The following TFB2M variants were observed in gnomAD, a reference collection of about 807,000 sequenced individuals.
The protein encoded by TFB2M is dimethyladenosine transferase 2, mitochondrial.
TFB2M carries 44 observed loss-of-function variants against 41.3 expected under a neutral mutation model. The observed-to-expected ratio is 1.07, with a 90% CI of 0.84 to 1.37. TFB2M has a LOEUF of 1.37. TFB2M is among the 40% of genes most tolerant of loss of function. TFB2M has a pLI of 0.00. For missense variants in TFB2M, 496 were observed against 490.2 expected, an observed-to-expected ratio of 1.01 and a Z score of -0.11; for synonymous variants, 188 against 176.8, an observed-to-expected ratio of 1.06 and a Z score of -0.50.
intron 6 of TFB2M, among the ~76,000 whole-genome samples, 189 bp downstream of exon 6, chr1:246,548,356 T>C (rs558552305): frequency 2.2e-4 from 33 of 152,180 alleles, no homozygotes; most frequent in African/African-American, 7.7e-4. Context: ...CTAGCATCCA[T>C]TGTATAACAG....
At chr1:246,555,303 A>C (rs915912760) in intron 4 of TFB2M, among the ~76,000 whole-genome samples, 3 of 152,188 alleles carry the variant, frequency 2.0e-5, no homozygotes, top group Admixed American at 6.5e-5. Flanking sequence ...AAAACTAAAA[A>C]TAGACTGGGT....
intron 6 of TFB2M, among the ~76,000 whole-genome samples, chr1:246,547,585 A>G (rs12752683): frequency 0.27 from 41,117 of 152,066 alleles, 6,254 homozygotes; most frequent in East Asian, 0.66. Flanking sequence ...AGTGTGAGAA[A>G]AAAACATAAG....
intron 7 of TFB2M, among the ~76,000 whole-genome samples, chr1:246,541,423 T>C (rs1658853851): frequency 5.4e-5 from 1 of 18,488 alleles, no homozygotes; most frequent in Non-Finnish European, 9.0e-5. Flanking sequence ...CAATGTACAC[T>C]ATTTGGGCAT....
Position 246,561,624 on chromosome 1 carries a change from T to C in TFB2M, c.402+2722A>G, listed in dbSNP as rs180918556. Among the ~76,000 whole-genome samples, 203 of 152,268 alleles carry C rather than the reference T, an allele frequency of 1.3e-3. 1 individual carries two copies. Among genetic ancestry groups the C allele is most frequent in the African/African-American group, 4.6e-3 (191 of 41,564 alleles). ...CTGGGATTACAGGCATGAACCACCA[T>C]GCCCAGCTAATTTTTTGTATTTTTA... is the stretch of plus-strand genomic sequence containing the variant. On this transcript the variant is annotated intron_variant, in intron 2 of 7. Coordinates refer to ENST00000366514, the MANE Select transcript of TFB2M (RefSeq NM_022366.3).
chr1:246,542,360 CCAA>C (rs139223957), intron 7 of TFB2M, among the ~76,000 whole-genome samples: 2,056 of 151,908 alleles, frequency 0.014, 19 homozygotes, highest in Middle Eastern at 0.024. Flanking sequence ...CAATAAGCCT[CCAA>C]CAACAACAAT....
intron 7 of TFB2M, among the ~76,000 whole-genome samples, chr1:246,542,767 A>G (rs1658897737): frequency 6.6e-6 from 1 of 152,192 alleles, no homozygotes; most frequent in Admixed American, 6.5e-5. Flanking sequence ...ATTTTGCACT[A>G]TGATTTACAA....
Position 246,566,117 on chromosome 1 carries a change from GC to G in TFB2M, c.21del (p.Leu8PhefsTer5). On this transcript the variant is annotated frameshift_variant, in exon 1 of 8. Coordinates refer to ENST00000366514, the MANE Select transcript of TFB2M (RefSeq NM_022366.3). LOFTEE classifies it high-confidence loss of function. ...GCGGAGAGCCTCAGCCGCCGAGGAA[GC>G]CCGACCACTGGGATCCACATGTCCT... MWIPVVGLPRRLRLSAL... is the reference protein window; with the variant it reads MWIPVVXLPRRLRLSAL... 1 of 1,610,206 alleles carries G rather than the reference GC, an allele frequency of 6.2e-7. No individual in the cohort carries two copies.
At chr1:246,560,137 T>A (rs567076778) in intron 2 of TFB2M, among the ~76,000 whole-genome samples, 1 of 152,314 alleles carries the variant, frequency 6.6e-6, no homozygotes, top group East Asian at 1.9e-4. Context: ...CTTATTACTG[T>A]ATTTTATGTA....
intron 2 of TFB2M, among the ~76,000 whole-genome samples, chr1:246,561,053 A>C (rs1251302241): frequency 6.6e-6 from 1 of 152,214 alleles, no homozygotes; most frequent in Non-Finnish European, 1.5e-5. Flanking sequence ...AGGTGGCCAG[A>C]AGCATTATCC....
At chr1:246,557,661 G>A (rs1201206544) in intron 2 of TFB2M, 127 bp from the exon 3 acceptor site, 7 of 838,052 alleles carry the variant, frequency 8.4e-6, no homozygotes, top group Non-Finnish European at 3.5e-6. Context: ...ATTACCTGGG[G>A]TTTTTTTGTT....
At chr1:246,544,191 G>A (rs900340110) in intron 7 of TFB2M, among the ~76,000 whole-genome samples, 2 of 152,170 alleles carry the variant, frequency 1.3e-5, no homozygotes, top group African/African-American at 2.4e-5. Flanking sequence ...GTGTGGGCAC[G>A]CCTCCAGTAA....
At chr1:246,547,765 A>G (rs1040028108) in intron 6 of TFB2M, among the ~76,000 whole-genome samples, 10 of 141,272 alleles carry the variant, frequency 7.1e-5, no homozygotes, top group African/African-American at 2.3e-4. Context: ...AACTTTAGCT[A>G]CTTTATTAGA....
intron 5 of TFB2M, among the ~76,000 whole-genome samples, chr1:246,548,959 T>A (rs1278822217): frequency 6.6e-6 from 1 of 152,252 alleles, no homozygotes; most frequent in Non-Finnish European, 1.5e-5. Context: ...GCTGAGGATT[T>A]CTTTTTGCCC....
At chr1:246,542,662 ACTCT>A (rs375384719) in intron 7 of TFB2M, among the ~76,000 whole-genome samples, 1 of 151,984 alleles carries the variant, frequency 6.6e-6, no homozygotes, top group African/African-American at 2.4e-5. Context: ...ACAGAGTGAG[ACTCT>A]CTGTCTGTTC....
intron 6 of TFB2M, among the ~76,000 whole-genome samples, chr1:246,547,665 GT>G (rs67635747): frequency 0.27 from 39,556 of 144,458 alleles, 5,776 homozygotes; most frequent in East Asian, 0.66. Context: ...CATTTAATTC[GT>G]TTTTTTTTTT....
chr1:246,556,263 A>T (rs1053460737), intron 4 of TFB2M, among the ~76,000 whole-genome samples: 3 of 152,246 alleles, frequency 2.0e-5, no homozygotes, highest in African/African-American at 7.2e-5. Flanking sequence ...CAGAAAGTAG[A>T]ATAATGATTA....
chr1:246,544,722 T>C (rs1334499328), intron 6 of TFB2M, 41 bp from the exon 7 acceptor site: 1 of 1,549,270 alleles, frequency 6.5e-7, no homozygotes, highest in Non-Finnish European at 8.7e-7. Context: ...TCACAAAATA[T>C]TGCCAGAGTA....
At chr1:246,550,838 G>A (rs193098212) in intron 5 of TFB2M, among the ~76,000 whole-genome samples, 1 of 152,150 alleles carries the variant, frequency 6.6e-6, no homozygotes, top group Non-Finnish European at 1.5e-5. Context: ...AGCCGAGATC[G>A]AACCACTGCT....
chr1:246,546,773 A>G (rs1025503031), intron 6 of TFB2M, among the ~76,000 whole-genome samples: 3 of 151,072 alleles, frequency 2.0e-5, no homozygotes, highest in Non-Finnish European at 4.4e-5. Flanking sequence ...GGATATTTAA[A>G]AAGTAGGTCT....
Sources: allele counts gnomAD v4.1 joint callset (sites outside exome capture counted in the v4.1 genomes callset), GRCh38; gene constraint gnomAD v4.1.1; transcripts MANE v1.5; gene names NCBI Gene and HGNC (gene_info 2026-07-23, HGNC 2026-07-21).